The following MYO15A variants were observed in gnomAD, a reference collection of about 807,000 sequenced individuals.
MYO15A encodes unconventional myosin-XV.
In MYO15A, 308 loss-of-function variants were observed where a neutral mutation model predicts 394.6. The ratio of observed to expected loss-of-function variants is 0.78; its 90% CI spans 0.71 to 0.86. The LOEUF is 0.86. Among genes scored for constraint, MYO15A ranks in the 40% least tolerant of loss-of-function variants. MYO15A has a pLI of 0.00. For missense variants in MYO15A, 4,606 were observed against 4,799.1 expected (o/e 0.96, Z 1.19); for synonymous variants, 1,957 against 2,003.8 (o/e 0.98, Z 0.62).
intron 1 of MYO15A, among the ~76,000 whole-genome samples, chr17:18,112,207 C>T (rs2045730531): frequency 6.6e-6 from 1 of 151,884 alleles, no homozygotes; most frequent in Non-Finnish European, 1.5e-5. Flanking sequence ...CCCTGCTTCT[C>T]CCCAGCAAGT....
At chr17:18,114,586 G>C (rs552853549) in intron 1 of MYO15A, among the ~76,000 whole-genome samples, 1 of 152,170 alleles carries the variant, frequency 6.6e-6, no homozygotes, top group East Asian at 1.9e-4. Context: ...CTTCCATCAG[G>C]TGTAACTTCC....
intron 24 of MYO15A, 79 bp from the exon 25 acceptor site, chr17:18,142,677 T>C: frequency 7.9e-7 from 1 of 1,267,416 alleles, no homozygotes; most frequent in Non-Finnish European, 1.1e-6. Context: ...CAGGCCAGGC[T>C]GGCAAGGGCC....
chr17:18,158,188 G>C, intron 51 of MYO15A: 1 of 588,768 alleles, frequency 1.7e-6, no homozygotes, highest in Non-Finnish European at 3.0e-6. Flanking sequence ...CCCGCCAGTT[G>C]GTGAAGTCTA....
At chr17:18,115,885 T>C (rs2045777710) in intron 1 of MYO15A, among the ~76,000 whole-genome samples, 1 of 152,144 alleles carries the variant, frequency 6.6e-6, no homozygotes, top group Non-Finnish European at 1.5e-5. Context: ...TGACTTCCTG[T>C]TTAATGTCAC....
intron 51 of MYO15A, 126 bp from the exon 52 acceptor site, chr17:18,158,397 G>A (rs1420874120): frequency 8.8e-6 from 7 of 792,076 alleles, no homozygotes; most frequent in African/African-American, 3.4e-5. Context: ...TGGGTCCACA[G>A]GGATGGGTGG....
At chr17:18,172,015 G>A in intron 63 of MYO15A, 142 bp from the exon 64 acceptor site, 2 of 1,438,218 alleles carry the variant, frequency 1.4e-6, no homozygotes, top group Non-Finnish European at 1.9e-6. Flanking sequence ...TGAGAAGGGA[G>A]GCCAGAGAGA....
intron 64 of MYO15A, 72 bp from the exon 65 acceptor site, chr17:18,173,709 A>C: frequency 6.3e-7 from 1 of 1,599,746 alleles, no homozygotes; most frequent in Non-Finnish European, 8.6e-7. Context: ...TCTGATTTGC[A>C]GGGCAGGGGT....
chr17:18,155,136 C>T lies in MYO15A; in HGVS notation c.8251C>T (p.Pro2751Ser). Residue 2751 changes from proline to serine, a missense_variant, in exon 46 of 66, where the codon CCT becomes TCT. Physicochemically the swap from Pro to Ser is moderately conservative, Grantham distance 74. This residue lies in a region of MYO15A where 2,776 missense variants were observed against 3,109.3 expected (regional missense o/e 0.89). Coordinates refer to ENST00000647165, the MANE Select transcript of MYO15A (RefSeq NM_016239.4). Reference protein sequence around the residue: ...FAQNQLDTQKPLVTESVKRAV... With the variant: ...FAQNQLDTQKSLVTESVKRAV... ...CCAGAACCAGCTGGACACACAGAAG[C>T]CTCTGGTAACGGAAAGCGTGAAGCG... The T allele has an allele frequency of 4.3e-6, 7 of 1,613,910 alleles. No homozygotes were observed. Among genetic ancestry groups the T allele is most frequent in the Non-Finnish European group, 5.9e-6 (7 of 1,179,994 alleles).
chr17:18,125,256 C>T (rs2046011534), intron 4 of MYO15A, 25 bp downstream of exon 4: 3 of 1,612,538 alleles, frequency 1.9e-6, no homozygotes, highest in Non-Finnish European at 1.7e-6. Flanking sequence ...TGGCCCTGCC[C>T]TGGGCCTAGG....
rs1195961871 is a variant in MYO15A, at chr17:18,124,534, G to A, written c.3661G>A (p.Glu1221Lys). ...PSMRFREQHG[E>K]DGVEDMTQLE... is the part of the protein sequence containing the mutation. ...CATGCGGTTCCGTGAGCAGCACGGG[G>A]AGGATGGTGTGGAGGACATGACACA... The change falls in exon 3 of 66, where the codon GAG becomes AAG. Residue 1221 changes from glutamate to lysine, a missense_variant. Physicochemically the swap from Glu to Lys is moderately conservative, Grantham distance 56. This residue lies in a region of MYO15A where 2,776 missense variants were observed against 3,109.3 expected (regional missense o/e 0.89). Coordinates refer to ENST00000647165, the MANE Select transcript of MYO15A (RefSeq NM_016239.4). 1 of 1,613,278 alleles carries A rather than the reference G, an allele frequency of 6.2e-7. No individual in the cohort carries two copies. The highest frequency in any genetic ancestry group is 2.2e-5 in the East Asian group (1 of 44,884).
chr17:18,141,177 A>G, intron 22 of MYO15A, 34 bp downstream of exon 22: 1 of 1,611,910 alleles, frequency 6.2e-7, no homozygotes, highest in Non-Finnish European at 8.5e-7. Context: ...GAGCTCTACA[A>G]ATCCCTGCCC....
chr17:18,146,797 C>A (rs115063453), intron 30 of MYO15A, among the ~76,000 whole-genome samples: 1 of 152,094 alleles, frequency 6.6e-6, no homozygotes, highest in African/African-American at 2.4e-5. Context: ...TAGTGGCACA[C>A]GCATGTAGTC....
At chr17:18,154,644 C>A (rs541100650) in intron 44 of MYO15A, 36 bp from the exon 45 acceptor site, 20 of 1,608,122 alleles carry the variant, frequency 1.2e-5, no homozygotes, top group Non-Finnish European at 1.5e-5. Context: ...CTGGGGGAGT[C>A]CCATGTGCTG....
Position 18,133,400 on chromosome 17 carries a change from A to G in MYO15A, c.4482+14A>G, listed in dbSNP as rs1156307063. 1 of 1,613,644 alleles carries G rather than the reference A, an allele frequency of 6.2e-7. No homozygotes were observed. The highest frequency in any genetic ancestry group is 8.5e-7 in the Non-Finnish European group (1 of 1,179,800). On this transcript the variant is annotated intron_variant, in intron 12 of 65. Transcript: ENST00000647165. ...GAGAAGTATGAGGTGAGGGGACGCC[A>G]CAGCCTGCCATGGGGCCCGCACCCT...
At chr17:18,161,974 AC>A (rs1214563484) in intron 57 of MYO15A, among the ~76,000 whole-genome samples, 1 of 152,080 alleles carries the variant, frequency 6.6e-6, no homozygotes, top group Non-Finnish European at 1.5e-5. Context: ...CCCTGTAGTC[AC>A]CATGGCAGCC....
chr17:18,172,190 CCTT>C lies in MYO15A; in HGVS notation c.10258_10260del (p.Phe3420del), dbSNP rs1174503300. On this transcript the variant is annotated inframe_deletion, in exon 64 of 66. Coordinates refer to ENST00000647165, the MANE Select transcript of MYO15A (RefSeq NM_016239.4). ...AGCGCCTTACCTATGTTCGGCTCCT[CCTT>C]CTTCTTCATCCAGAGCTGCAGCAAC... The C allele has an allele frequency of 2.7e-5, 43 of 1,614,114 alleles. No homozygotes were observed. Among genetic ancestry groups the C allele is most frequent in the East Asian group, 8.9e-5 (4 of 44,896 alleles).
At position 18,120,514 on chromosome 17, in the gene MYO15A, C is replaced by T; in HGVS notation, c.1714C>T (p.Leu572Phe). Residue 572 changes from leucine to phenylalanine, a missense_variant, in exon 2 of 66, where the codon CTT becomes TTT. This residue lies in a region of MYO15A where 1,830 missense variants were observed against 1,689.7 expected (regional missense o/e 1.08). Transcript: ENST00000647165. The stretch of plus-strand genomic sequence containing the variant: ...CCCCGTGCCTCGCCCTGCCACCTCG[C>T]TTGCGCGGTTCCTCAAGAAGACGCT... The part of the protein sequence containing the change: ...GRPVPRPATS[L>F]ARFLKKTLSE... 6.3e-7 allele frequency: 1 copy of T among 1,583,664 alleles called. No homozygotes were observed. Among genetic ancestry groups the T allele is most frequent in the Non-Finnish European group, 8.6e-7 (1 of 1,168,124 alleles).
chr17:18,122,188 G>T lies in MYO15A; in HGVS notation c.3388G>T (p.Val1130Phe), dbSNP rs770547097. 2.5e-6 allele frequency: 4 copies of T among 1,613,054 alleles called. No homozygotes were observed. The highest frequency in any genetic ancestry group is 3.4e-6 in the Non-Finnish European group (4 of 1,180,036). Residue 1130 changes from valine to phenylalanine, a missense_variant, in exon 2 of 66, where the codon GTT becomes TTT. Physicochemically the swap from Val to Phe is conservative, Grantham distance 50 (BLOSUM62 -1). Coordinates refer to ENST00000647165, the MANE Select transcript of MYO15A (RefSeq NM_016239.4). ...RVQKLSSFQR[V>F]GPATLKPQVQ... ...GCAGAAGCTGAGCTCTTTCCAGCGA[G>T]TTGGGCCTGCAACCCTGAAGCCTCA...
Position 18,161,404 on chromosome 17 carries a change from C to T in MYO15A, c.9474C>T (p.Arg3158=), listed in dbSNP as rs2046774849. ...AGGTCCTCCACCCACACCTCACTCG[C>T]TTCCTCCAAGACGTGAGCCGGACCC... The part of the protein sequence containing the change: ...CSEVLHPHLT[R]FLQDVSRTPG... Residue 3158 remains arginine, a synonymous_variant, in exon 57 of 66, where the codon CGC becomes CGT. Transcript: ENST00000647165. 2.5e-6 allele frequency: 4 copies of T among 1,613,978 alleles called. No individual in the cohort carries two copies. The highest frequency in any genetic ancestry group is 3.4e-6 in the Non-Finnish European group (4 of 1,180,036).
Sources: gnomAD v4.1 joint callset for allele counts (sites outside exome capture counted in the v4.1 genomes callset) on GRCh38, gnomAD v4.1.1 for gene constraint, gnomAD v4.1.1 regional missense constraint, MANE v1.5 for transcripts, NCBI Gene and HGNC (gene_info 2026-07-23, HGNC 2026-07-21) for gene names.